Variants in DNAJA2 observed in about 807,000 individuals in gnomAD.
DNAJA2 encodes the protein dnaJ homolog subfamily A member 2.
A neutral mutation model predicts 49.3 loss-of-function variants in DNAJA2; 6 were observed. The ratio of observed to expected loss-of-function variants is 0.12; its 90% CI spans 0.07 to 0.24. The LOEUF is 0.24. Among genes scored for constraint, DNAJA2 ranks in the 10% least tolerant of loss-of-function variants. The probability of loss-of-function intolerance (pLI) is 1.00; values close to 1 mark genes in which losing one functional copy is unlikely to be tolerated. For synonymous variants in DNAJA2, 160 were observed against 172.7 expected, an observed-to-expected ratio of 0.93 and a Z score of 0.58; for missense variants, 347 against 516.8, an observed-to-expected ratio of 0.67 and a Z score of 3.19.
intron 8 of DNAJA2, among the ~76,000 whole-genome samples, chr16:46,957,518 G>A (rs1307298118): frequency 6.6e-6 from 1 of 151,908 alleles, no homozygotes; most frequent in Non-Finnish European, 1.5e-5. Flanking sequence ...CAGGAGAATC[G>A]CTTGAACCTG....
rs1961821114 is a variant in DNAJA2 at position 46,956,778 on chromosome 16, T to C, written c.*251A>G. The C allele has an allele frequency of 5.3e-6, 2 of 377,800 alleles. No individual in the cohort carries two copies. Among genetic ancestry groups the C allele is most frequent in the Non-Finnish European group, 9.5e-6 (2 of 210,008 alleles). The allele number at this position is 377,800 out of a possible 1,614,324, so 23.4% of individuals were successfully genotyped here. On this transcript the variant is annotated 3_prime_UTR_variant, in exon 9 of 9. Coordinates refer to ENST00000317089, the MANE Select transcript of DNAJA2 (RefSeq NM_005880.4). The stretch of plus-strand genomic sequence containing the variant: ...CAGGATTGAAACTTATAATAATCCA[T>C]GTGTGAAAGGGAGTCTTGTTTCCTT...
chr16:46,966,300 C>T (rs1057499612), intron 5 of DNAJA2, among the ~76,000 whole-genome samples: 1 of 152,184 alleles, frequency 6.6e-6, no homozygotes, highest in Non-Finnish European at 1.5e-5. Context: ...TCATATGTAA[C>T]TTCTCATAAT....
In DNAJA2 at chr16:46,971,420, G is replaced by T; in HGVS notation, c.291C>A (p.Phe97Leu). Reference sequence around the variant, plus strand: ...TTCTACTCTGATTGCCCATGAAGCCGAACAATCCCCCACCAAAAATGTGAG... The same window carrying T: ...TTCTACTCTGATTGCCCATGAAGCCTAACAATCCCCCACCAAAAATGTGAG... ...IFSHIFGGGL[F>L]GFMGNQSRSR... is the part of the protein sequence containing the mutation. Residue 97 changes from phenylalanine (F) to leucine (L), a missense_variant, in exon 3 of 9, where the codon TTC becomes TTA. Coordinates refer to ENST00000317089, the MANE Select transcript of DNAJA2 (RefSeq NM_005880.4). 1 of 1,613,906 alleles carries T rather than the reference G, an allele frequency of 6.2e-7. No homozygotes were observed. The highest frequency in any genetic ancestry group is 1.3e-5 in the African/African-American group (1 of 74,952).
At chr16:46,973,464 C>G in intron 1 of DNAJA2, 31 bp downstream of exon 1, 1 of 1,579,446 alleles carries the variant, frequency 6.3e-7, no homozygotes, top group Non-Finnish European at 8.6e-7. Context: ...GCCCCGCGCC[C>G]CTCACACCCG....
rs1342837196 is a variant in DNAJA2, at chr16:46,959,358, A to G, written c.836T>C (p.Leu279Pro). The part of the protein sequence containing the change: ...MTYKIGLVEA[L>P]CGFQFTFKHL... ...CTTAAATGTGAACTGAAATCCACATAGAGCTTCAACAAGTCCTATTTTATA... is the reference window on the plus strand; with the variant it reads ...CTTAAATGTGAACTGAAATCCACATGGAGCTTCAACAAGTCCTATTTTATA... Residue 279 changes from leucine to proline, a missense_variant, in exon 7 of 9, where the codon CTA (leucine) becomes CCA (proline). Physicochemically the swap from Leu to Pro is moderately conservative, Grantham distance 98. Transcript: ENST00000317089. 1 of 1,612,860 alleles carries G rather than the reference A, an allele frequency of 6.2e-7. No homozygotes were observed. Among genetic ancestry groups the G allele is most frequent in the African/African-American group, 1.3e-5 (1 of 74,920 alleles).
rs745682887 is a variant in DNAJA2 at position 46,955,641 on chromosome 16, G to A, written c.*1388C>T. The A allele has an allele frequency of 1.3e-5, 2 of 152,110 alleles. No homozygotes were observed. Among genetic ancestry groups the A allele is most frequent in the Non-Finnish European group, 2.9e-5 (2 of 68,028 alleles). The allele number at this position is 152,110 out of a possible 1,614,324, so 9.4% of individuals were successfully genotyped here. On this transcript the variant is annotated 3_prime_UTR_variant, in exon 9 of 9. Transcript: ENST00000317089. ...AAATAAACTACAAATACTAGATTTA[G>A]GCTCAGGGATGGCATTTAATACATT... is the stretch of plus-strand genomic sequence containing the variant.
At chr16:46,967,289 G>A (rs1002003242) in intron 5 of DNAJA2, among the ~76,000 whole-genome samples, 1 of 151,800 alleles carries the variant, frequency 6.6e-6, no homozygotes, top group Non-Finnish European at 1.5e-5. Flanking sequence ...TAGTAATGAG[G>A]TCTCCCTATA....
rs1962016633 is a variant in DNAJA2, at chr16:46,969,478, G to A, written c.363-1314C>T. Among the ~76,000 whole-genome samples the A allele has an allele frequency of 2.0e-5, 3 of 152,256 alleles. No individual in the cohort carries two copies. The South Asian group carries it at 6.2e-4, about 32-fold the overall frequency. On this transcript the variant is annotated intron_variant, in intron 3 of 8. Coordinates refer to ENST00000317089, the MANE Select transcript of DNAJA2 (RefSeq NM_005880.4). ...TGCACAACCAGTATCCTAAGCCAGAGAAAAATACACATCTCAACAAAGAAG... is the reference window on the plus strand; with the variant it reads ...TGCACAACCAGTATCCTAAGCCAGAAAAAAATACACATCTCAACAAAGAAG...
At chr16:46,969,471 A>G (rs1962016566) in intron 3 of DNAJA2, among the ~76,000 whole-genome samples, 1 of 152,250 alleles carries the variant, frequency 6.6e-6, no homozygotes, top group Admixed American at 6.5e-5. Flanking sequence ...CAGTATCCTA[A>G]GCCAGAGAAA....
At chr16:46,967,801 T>A (rs2143656762) in intron 4 of DNAJA2, among the ~76,000 whole-genome samples, 155 bp from the exon 5 acceptor site, 1 of 152,308 alleles carries the variant, frequency 6.6e-6, no homozygotes, top group South Asian at 2.1e-4. Flanking sequence ...CTGCTAAGAT[T>A]TTTTTACTTA....
Position 46,955,749 on chromosome 16 carries a change from G to A in DNAJA2, c.*1280C>T, listed in dbSNP as rs1455358227. The A allele has an allele frequency of 6.6e-6, 1 of 151,930 alleles. No homozygotes were observed. The highest frequency in any genetic ancestry group is 2.4e-5 in the African/African-American group (1 of 41,384). The allele number at this position is 151,930 out of a possible 1,614,324, so 9.4% of individuals were successfully genotyped here. A position where few individuals can be genotyped will look rare whatever the true frequency, so the allele number is the denominator to read the frequency against. The stretch of plus-strand genomic sequence containing the variant: ...ATCTGATGTCTCTTTCCTCAAATAA[G>A]TGTGTTCTAAAAATACCTACTGAGT... On this transcript the variant is annotated 3_prime_UTR_variant, in exon 9 of 9. Coordinates refer to ENST00000317089, the MANE Select transcript of DNAJA2 (RefSeq NM_005880.4).
chr16:46,961,961 C>G (rs1279959934), intron 6 of DNAJA2, among the ~76,000 whole-genome samples: 1 of 152,016 alleles, frequency 6.6e-6, no homozygotes, highest in Non-Finnish European at 1.5e-5. Context: ...GGCACACTGA[C>G]AAGTGACATG....
chr16:46,973,133 GT>G, intron 1 of DNAJA2, among the ~76,000 whole-genome samples: 1 of 152,160 alleles, frequency 6.6e-6, no homozygotes, highest in Non-Finnish European at 1.5e-5. Flanking sequence ...GGTCCAACCT[GT>G]TTTTCCGGGG....
chr16:46,958,784 A>G, intron 8 of DNAJA2: 1 of 441,910 alleles, frequency 2.3e-6, no homozygotes, highest in Non-Finnish European at 3.9e-6. Flanking sequence ...GTCTCAAAAA[A>G]TTTTTTTTAA....
chr16:46,971,675 A>AAAAAAAG, intron 2 of DNAJA2, 103 bp from the exon 3 acceptor site: 1 of 1,014,102 alleles, frequency 9.9e-7, no homozygotes, highest in South Asian at 1.5e-5. Context: ...AAAAAAAAAA[A>AAAAAAAG]AGGGACAAGT....
At chr16:46,969,871 G>GC (rs1202043326) in intron 3 of DNAJA2, among the ~76,000 whole-genome samples, 1 of 152,026 alleles carries the variant, frequency 6.6e-6, no homozygotes, top group Non-Finnish European at 1.5e-5. Flanking sequence ...AGTACAGACA[G>GC]CACTCTTTTG....
At chr16:46,959,817 G>C (rs946568726) in intron 6 of DNAJA2, among the ~76,000 whole-genome samples, 2 of 152,202 alleles carry the variant, frequency 1.3e-5, no homozygotes, top group South Asian at 4.1e-4. Context: ...AACAGGGAAG[G>C]GGGGAGGGTC....
At chr16:46,970,940 A>G (rs1029287382) in intron 3 of DNAJA2, among the ~76,000 whole-genome samples, 2 of 151,770 alleles carry the variant, frequency 1.3e-5, no homozygotes, top group Non-Finnish European at 2.9e-5. Context: ...TGGGAGGCTG[A>G]GGCAGGAGAA....
chr16:46,964,928 A>G lies in DNAJA2; in HGVS notation c.578-121T>C, dbSNP rs1961947376. ...CACTACCTAAATTTTTATTCAAAGCAGCATTCTGAGGCCAAGCACAGTGGC... is the reference window on the plus strand; with the variant it reads ...CACTACCTAAATTTTTATTCAAAGCGGCATTCTGAGGCCAAGCACAGTGGC... On this transcript the variant is annotated intron_variant, in intron 5 of 8. Transcript: ENST00000317089. The G allele has an allele frequency of 1.1e-5, 9 of 845,318 alleles. No homozygotes were observed. The South Asian group carries it at 1.2e-4, about 11-fold the overall frequency. The allele number at this position is 845,318 out of a possible 1,614,324, so 52.4% of individuals were successfully genotyped here. A position where few individuals can be genotyped will look rare whatever the true frequency, so the allele number is the denominator to read the frequency against.
Sources: allele counts gnomAD v4.1 joint callset (sites outside exome capture counted in the v4.1 genomes callset), GRCh38; gene constraint gnomAD v4.1.1; transcripts MANE v1.5; gene names NCBI Gene and HGNC (gene_info 2026-07-23, HGNC 2026-07-21).